ANK2: variants seen among roughly 807,000 people sequenced by gnomAD.
ANK2 encodes ankyrin-2.
In ANK2, 83 loss-of-function variants were observed where a neutral mutation model predicts 360.5. That is an observed-to-expected ratio of 0.23 (90% CI 0.19 to 0.28). The LOEUF (loss-of-function observed/expected upper bound fraction) is 0.28. ANK2 is among the 10% of genes least tolerant of loss of function. The pLI is 1.00. For missense variants in ANK2, 4,201 were observed against 4,795.7 expected (o/e 0.88, Z 3.66); for synonymous variants, 1,740 against 1,759.5 (o/e 0.99, Z 0.28).
Position 113,353,932 on chromosome 4 carries a change from G to C in ANK2, c.5314G>C (p.Ala1772Pro). ...PIGSIKDKVKALQKRVEDEQK... is the reference protein window; with the variant it reads ...PIGSIKDKVKPLQKRVEDEQK... ...TGGTTCCATAAAGGACAAAGTAAAG[G>C]CCCTTCAGAAGCGAGTGGAAGATGA... The change falls in exon 38 of 46, where the codon GCC becomes CCC. Residue 1772 changes from alanine (A) to proline (P), a missense_variant. By Grantham distance (27) the Ala-to-Pro change is conservative. This residue lies in a region of ANK2 where 2,642 missense variants were observed against 2,714.5 expected (regional missense o/e 0.97). Transcript: ENST00000357077. The C allele has an allele frequency of 6.2e-7, 1 of 1,613,962 alleles. No individual in the cohort carries two copies. The highest frequency in any genetic ancestry group is 8.5e-7 in the Non-Finnish European group (1 of 1,179,962).
rs1167630240 is a variant in ANK2 at position 113,251,475 on chromosome 4, CT to C, written c.990+1638del. Among the ~76,000 whole-genome samples the C allele has an allele frequency of 3.0e-3, 262 of 88,122 alleles. 1 individual carries two copies. The highest frequency in any genetic ancestry group is 7.7e-3 in the African/African-American group (169 of 21,886). The allele number at this position is 88,122 out of a possible 152,430, so 57.8% of individuals were successfully genotyped here. On this transcript the variant is annotated intron_variant, in intron 10 of 45. Transcript: ENST00000357077. ...ACCATCAAGATGAATAATACAAAATCTTTTTTTTTTTTTTTTTTTTTTTTTG... is the reference window on the plus strand; with the variant it reads ...ACCATCAAGATGAATAATACAAAATCTTTTTTTTTTTTTTTTTTTTTTTTG...
intron 4 of ANK2, among the ~76,000 whole-genome samples, chr4:113,220,746 T>C (rs2099141173): frequency 6.6e-6 from 1 of 152,190 alleles, no homozygotes; most frequent in African/African-American, 2.4e-5. Flanking sequence ...AATGGGGTGA[T>C]GGTAATTCAG....
At chr4:112,896,977 A>T (rs997213890) in intron 1 of ANK2, among the ~76,000 whole-genome samples, 1 of 151,944 alleles carries the variant, frequency 6.6e-6, no homozygotes, top group Non-Finnish European at 1.5e-5. Flanking sequence ...GGGGACGATA[A>T]CTCCTCAATC....
intron 4 of ANK2, among the ~76,000 whole-genome samples, chr4:113,217,408 G>A (rs1387223912): frequency 6.6e-6 from 1 of 152,122 alleles, no homozygotes; most frequent in Non-Finnish European, 1.5e-5. Flanking sequence ...TATATAAAGT[G>A]TTTCAAGTAG....
chr4:112,767,583 A>AATAAATAC, the ANK2 span, among the ~76,000 whole-genome samples: 13 of 151,432 alleles, frequency 8.6e-5, no homozygotes, highest in Non-Finnish European at 1.6e-4. Flanking sequence ...TAAATAAATA[A>AATAAATAC]ATAAATAAAT....
At chr4:113,232,400 G>A in intron 5 of ANK2, 141 bp downstream of exon 5, 4 of 692,760 alleles carry the variant, frequency 5.8e-6, no homozygotes, top group East Asian at 2.8e-5. Context: ...AACAGTGGCT[G>A]TGAACAAATG....
intron 2 of ANK2, among the ~76,000 whole-genome samples, chr4:112,948,897 C>CT (rs1267630774): frequency 6.6e-6 from 1 of 152,160 alleles, no homozygotes; most frequent in African/African-American, 2.4e-5. Context: ...GCATTTTCAC[C>CT]TATTGCTTTT....
chr4:113,207,604 G>A (rs1197663017), intron 4 of ANK2, among the ~76,000 whole-genome samples: 2 of 148,482 alleles, frequency 1.3e-5, no homozygotes, highest in East Asian at 2.0e-4. Flanking sequence ...CAGCATTAAT[G>A]TGTATATTCC....
chr4:113,374,646 T>C, intron 45 of ANK2: 1 of 594,004 alleles, frequency 1.7e-6, no homozygotes, highest in Non-Finnish European at 2.2e-6. Flanking sequence ...ATTGCTGTTT[T>C]CTGGAAAGCC....
intron 26 of ANK2, among the ~76,000 whole-genome samples, chr4:113,328,272 A>C (rs891886790): frequency 6.6e-6 from 1 of 152,114 alleles, no homozygotes; most frequent in African/African-American, 2.4e-5. Context: ...AAAAAAAAAC[A>C]AAGGAAATAT....
chr4:113,217,961 C>G (rs2099105515), intron 4 of ANK2, among the ~76,000 whole-genome samples: 1 of 152,202 alleles, frequency 6.6e-6, no homozygotes, highest in Admixed American at 6.5e-5. Context: ...TAATTGTCTT[C>G]TCCATCTCAG....
intron 2 of ANK2, among the ~76,000 whole-genome samples, chr4:113,185,469 A>G (rs2098502348): frequency 6.6e-6 from 1 of 152,164 alleles, no homozygotes; most frequent in Non-Finnish European, 1.5e-5. Context: ...GACCAGTGAT[A>G]ATAAGCTTTT....
chr4:112,892,529 A>G (rs1013925985), intron 1 of ANK2, among the ~76,000 whole-genome samples: 3 of 152,236 alleles, frequency 2.0e-5, no homozygotes, highest in African/African-American at 7.2e-5. Context: ...ACAATTACCC[A>G]ACTCAAATTT....
At chr4:112,826,729 C>T in intron 1 of ANK2, 1 of 834,648 alleles carries the variant, frequency 1.2e-6, no homozygotes, top group East Asian at 2.4e-5. Flanking sequence ...ATAATACCTA[C>T]CAGTCAGTTT....
At chr4:113,298,980 A>G (rs572335523) in intron 22 of ANK2, among the ~76,000 whole-genome samples, 5 of 152,358 alleles carry the variant, frequency 3.3e-5, no homozygotes, top group Admixed American at 2.6e-4. Context: ...TAAAGGTCAA[A>G]TACCTTCTCA....
chr4:113,240,666 T>A, intron 8 of ANK2, 83 bp downstream of exon 8: 2 of 1,246,866 alleles, frequency 1.6e-6, no homozygotes, highest in Non-Finnish European at 2.3e-6. Context: ...ATGGCTTTCT[T>A]AAAGATTTTA....
intron 2 of ANK2, among the ~76,000 whole-genome samples, chr4:112,940,468 C>G (rs2094125791): frequency 6.6e-6 from 1 of 152,118 alleles, no homozygotes. Flanking sequence ...TGAACACACA[C>G]AGAGAAGATC....
chr4:112,955,630 A>T (rs1337705706), intron 2 of ANK2, among the ~76,000 whole-genome samples: 1 of 152,126 alleles, frequency 6.6e-6, no homozygotes, highest in Non-Finnish European at 1.5e-5. Flanking sequence ...AAAGCCTAAT[A>T]TGATGGGATT....
intron 2 of ANK2, among the ~76,000 whole-genome samples, chr4:112,979,328 G>T (rs115204703): frequency 6.6e-6 from 1 of 152,310 alleles, no homozygotes; most frequent in South Asian, 2.1e-4. Flanking sequence ...CAGGTGTACC[G>T]CAAGCAGCTT....
Sources: allele counts gnomAD v4.1 joint callset (sites outside exome capture counted in the v4.1 genomes callset), GRCh38; gene constraint gnomAD v4.1.1; regional missense constraint gnomAD v4.1.1; transcripts MANE v1.5; gene names NCBI Gene and HGNC (gene_info 2026-07-23, HGNC 2026-07-21).